RANBP17: variants seen among roughly 807,000 people sequenced by gnomAD.
The protein encoded by RANBP17 is ran-binding protein 17.
Under a neutral mutation model 141.2 loss-of-function variants are expected in RANBP17, and 158 were observed. The ratio of observed to expected loss-of-function variants is 1.12; its 90% CI spans 0.98 to 1.28. The LOEUF (loss-of-function observed/expected upper bound fraction) is 1.28. Among genes scored for constraint, RANBP17 ranks in the 50% most tolerant of loss-of-function variants. The probability of loss-of-function intolerance (pLI) is 0.00; values close to 1 mark genes in which losing one functional copy is unlikely to be tolerated. For missense variants in RANBP17, 1,438 were observed against 1,290.7 expected (o/e 1.11, Z -1.75); for synonymous variants, 430 against 450.0 (o/e 0.96, Z 0.56).
At chr5:170,991,299 A>C (rs1281570178) in intron 14 of RANBP17, among the ~76,000 whole-genome samples, 1 of 152,022 alleles carries the variant, frequency 6.6e-6, no homozygotes, top group African/African-American at 2.4e-5. Context: ...ATTTAAGTTT[A>C]TCAGTTAGGA....
At chr5:171,111,364 C>T (rs566285682) in intron 14 of RANBP17, among the ~76,000 whole-genome samples, 2 of 152,272 alleles carry the variant, frequency 1.3e-5, no homozygotes, top group Non-Finnish European at 2.9e-5. Context: ...TGGAAGTCAT[C>T]TGGATGCTTT....
chr5:171,241,213 T>C, intron 23 of RANBP17, 71 bp downstream of exon 23: 4 of 1,132,210 alleles, frequency 3.5e-6, no homozygotes, highest in Middle Eastern at 4.1e-4. Flanking sequence ...CTGGAAGTGT[T>C]ATAATGAAGC....
At chr5:171,043,034 T>C (rs1782356117) in intron 14 of RANBP17, among the ~76,000 whole-genome samples, 1 of 152,208 alleles carries the variant, frequency 6.6e-6, no homozygotes, top group South Asian at 2.1e-4. Context: ...GTGTATTGAT[T>C]GATGACTACT....
chr5:170,942,223 G>A (rs1477702511), intron 12 of RANBP17, among the ~76,000 whole-genome samples: 2 of 152,094 alleles, frequency 1.3e-5, no homozygotes, highest in Admixed American at 1.3e-4. Flanking sequence ...TCCCCAGTCC[G>A]TGGAAAAATT....
At chr5:171,022,498 A>T (rs781780039) in intron 14 of RANBP17, among the ~76,000 whole-genome samples, 1 of 152,174 alleles carries the variant, frequency 6.6e-6, no homozygotes, top group Non-Finnish European at 1.5e-5. Flanking sequence ...CTGGAGTTAC[A>T]GAGTTCCTGC....
chr5:170,912,306 T>C (rs1771593332), intron 7 of RANBP17, among the ~76,000 whole-genome samples: 1 of 151,992 alleles, frequency 6.6e-6, no homozygotes, highest in Admixed American at 6.6e-5. Context: ...ATTTTATCAA[T>C]GTGAGTTTCC....
At chr5:171,060,624 C>G (rs1561605567) in intron 14 of RANBP17, among the ~76,000 whole-genome samples, 1 of 151,938 alleles carries the variant, frequency 6.6e-6, no homozygotes, top group Non-Finnish European at 1.5e-5. Context: ...CTAAAATTCT[C>G]TTTTTTGGTT....
At chr5:171,294,014 G>C in intron 26 of RANBP17, 33 bp downstream of exon 26, 1 of 1,472,706 alleles carries the variant, frequency 6.8e-7, no homozygotes, top group African/African-American at 1.4e-5. Context: ...ACGGGAGGTG[G>C]TCCCTGGGAG....
chr5:170,915,415 G>A (rs747630649), intron 8 of RANBP17, among the ~76,000 whole-genome samples: 25 of 152,078 alleles, frequency 1.6e-4, no homozygotes, highest in Non-Finnish European at 4.4e-5. Flanking sequence ...GAAAATATTG[G>A]CATTGAGATT....
intron 14 of RANBP17, among the ~76,000 whole-genome samples, chr5:171,088,541 A>C (rs1785897479): frequency 6.6e-6 from 1 of 152,198 alleles, no homozygotes; most frequent in African/African-American, 2.4e-5. Flanking sequence ...TCTCCTGGAT[A>C]ATATCCTGCA....
intron 14 of RANBP17, chr5:171,028,783 C>A: frequency 1.8e-6 from 1 of 568,904 alleles, no homozygotes. Context: ...GAAGAATGTG[C>A]AAACCTGCCT....
At chr5:171,089,616 G>T (rs1253452978) in intron 14 of RANBP17, among the ~76,000 whole-genome samples, 1 of 152,136 alleles carries the variant, frequency 6.6e-6, no homozygotes. Context: ...GTGAGATTCC[G>T]TGGGCGTAGG....
chr5:170,935,954 T>G (rs1773837041), intron 12 of RANBP17, among the ~76,000 whole-genome samples: 1 of 152,208 alleles, frequency 6.6e-6, no homozygotes, highest in African/African-American at 2.4e-5. Flanking sequence ...CAGTTCGAGC[T>G]TTCTGGCTGC....
intron 14 of RANBP17, among the ~76,000 whole-genome samples, chr5:170,979,840 AT>A: frequency 6.6e-6 from 1 of 152,352 alleles, no homozygotes; most frequent in East Asian, 1.9e-4. Flanking sequence ...GGAGTGGGAC[AT>A]TGCTGAAAAG....
At chr5:171,288,927 A>C (rs1002199613) in intron 25 of RANBP17, among the ~76,000 whole-genome samples, 2 of 152,222 alleles carry the variant, frequency 1.3e-5, no homozygotes, top group Non-Finnish European at 2.9e-5. Context: ...ACACAAAAAC[A>C]AGATCCTTGC....
chr5:171,199,105 G>T (rs1762147172), intron 18 of RANBP17, among the ~76,000 whole-genome samples: 1 of 152,064 alleles, frequency 6.6e-6, no homozygotes, highest in Non-Finnish European at 1.5e-5. Context: ...GAAGCTTAGT[G>T]TAAGAAGTGT....
At chr5:171,146,430 A>G (rs1272736984) in intron 14 of RANBP17, among the ~76,000 whole-genome samples, 2 of 152,182 alleles carry the variant, frequency 1.3e-5, no homozygotes, top group African/African-American at 4.8e-5. Context: ...ACTTTTCTTC[A>G]TTTCACAGAG....
intron 14 of RANBP17, among the ~76,000 whole-genome samples, chr5:171,112,371 T>G (rs1159372134): frequency 1.3e-5 from 2 of 152,078 alleles, no homozygotes; most frequent in Non-Finnish European, 2.9e-5. Flanking sequence ...CCTTGAAAAT[T>G]TTATATCTTC....
chr5:171,235,688 GC>G (rs1764498978), intron 22 of RANBP17, among the ~76,000 whole-genome samples: 1 of 152,082 alleles, frequency 6.6e-6, no homozygotes, highest in Non-Finnish European at 1.5e-5. Flanking sequence ...TGCAGCTTCA[GC>G]CTCCTGGGCT....
Sources: allele counts gnomAD v4.1 joint callset (sites outside exome capture counted in the v4.1 genomes callset), GRCh38; gene constraint gnomAD v4.1.1; transcripts MANE v1.5; gene names NCBI Gene and HGNC (gene_info 2026-07-23, HGNC 2026-07-21).